The following CPED1 variants were observed in gnomAD, a reference collection of about 807,000 sequenced individuals.
CPED1 encodes the protein cadherin like and PC-esterase domain containing 1.
A neutral mutation model predicts 128.2 loss-of-function variants in CPED1; 114 were observed. That is an observed-to-expected ratio of 0.89 (90% confidence interval 0.76 to 1.04). The LOEUF (loss-of-function observed/expected upper bound fraction) is 1.04. CPED1 is among the 50% of genes least tolerant of loss of function. CPED1 has a pLI of 0.00. For synonymous variants in CPED1, 462 were observed against 426.7 expected, an observed-to-expected ratio of 1.08 and a Z score of -1.02; for missense variants, 1,211 against 1,207.1, an observed-to-expected ratio of 1.00 and a Z score of -0.05.
intron 16 of CPED1, among the ~76,000 whole-genome samples, chr7:121,227,089 A>T (rs975790557): frequency 7.0e-4 from 107 of 152,102 alleles, no homozygotes; most frequent in African/African-American, 2.5e-3. Context: ...GTAGAGACTC[A>T]AAAACATTAG....
intron 2 of CPED1, among the ~76,000 whole-genome samples, chr7:120,992,202 C>T (rs1796319785): frequency 6.6e-6 from 1 of 151,998 alleles, no homozygotes; most frequent in South Asian, 2.1e-4. Flanking sequence ...TATAGGTTTC[C>T]TGAAAACCTA....
At chr7:121,126,681 A>G (rs1178923281) in intron 9 of CPED1, among the ~76,000 whole-genome samples, 1 of 152,138 alleles carries the variant, frequency 6.6e-6, no homozygotes, top group Non-Finnish European at 1.5e-5. Flanking sequence ...ATTTCTCCAT[A>G]AAAATTTAAA....
chr7:121,153,319 A>G (rs1462665221), intron 16 of CPED1, among the ~76,000 whole-genome samples: 1 of 152,338 alleles, frequency 6.6e-6, no homozygotes, highest in East Asian at 1.9e-4. Context: ...CATGATTTCA[A>G]CCAAAACTGC....
chr7:121,174,023 T>G (rs1311334030), intron 16 of CPED1, among the ~76,000 whole-genome samples: 1 of 152,116 alleles, frequency 6.6e-6, no homozygotes, highest in African/African-American at 2.4e-5. Flanking sequence ...TGGCTTGTCT[T>G]CTTTTGAAAA....
intron 16 of CPED1, 103 bp downstream of exon 16, chr7:121,142,244 A>C: frequency 9.5e-7 from 1 of 1,052,120 alleles, no homozygotes; most frequent in East Asian, 2.4e-5. Flanking sequence ...GTATGCCTTG[A>C]AATCGAAACT....
chr7:121,043,961 T>C (rs1330105827), intron 3 of CPED1, among the ~76,000 whole-genome samples: 3 of 152,166 alleles, frequency 2.0e-5, no homozygotes, highest in African/African-American at 7.2e-5. Context: ...TGCTCATGCT[T>C]TCAGCTGTGA....
chr7:121,060,438 C>G (rs1237781494), intron 4 of CPED1, among the ~76,000 whole-genome samples: 1 of 152,230 alleles, frequency 6.6e-6, no homozygotes, highest in Non-Finnish European at 1.5e-5. Flanking sequence ...TCATGTCTAG[C>G]TCAGGGATTG....
chr7:121,271,122 A>T (rs571122779), intron 21 of CPED1, among the ~76,000 whole-genome samples, 162 bp from the exon 22 acceptor site: 1 of 152,102 alleles, frequency 6.6e-6, no homozygotes, highest in African/African-American at 2.4e-5. Context: ...GAGTAAAAAA[A>T]ATTAGAACAC....
chr7:121,162,405 A>G (rs1796430258), intron 16 of CPED1, among the ~76,000 whole-genome samples: 1 of 152,228 alleles, frequency 6.6e-6, no homozygotes, highest in Non-Finnish European at 1.5e-5. Context: ...AAACAAGTAA[A>G]TAAAATTCTG....
intron 3 of CPED1, among the ~76,000 whole-genome samples, chr7:121,032,820 A>G (rs1792771778): frequency 6.6e-6 from 1 of 152,182 alleles, no homozygotes; most frequent in African/African-American, 2.4e-5. Context: ...TCTTCATCTC[A>G]TAGATGACAG....
chr7:121,125,713 A>G lies in CPED1; in HGVS notation c.1062-107A>G, dbSNP rs1584530318. On this transcript the variant is annotated intron_variant, in intron 8 of 22. Transcript: ENST00000310396. ...CATTTTCTTTATCCAGTCTATCATT[A>G]ATGGGCATTTGGGTTGGTTCCAAGT... 1.1e-5 allele frequency: 8 copies of G among 729,416 alleles called. No individual in the cohort carries two copies. The South Asian group carries it at 1.3e-4, about 11-fold the overall frequency. 45.2% of individuals were successfully genotyped at this position (729,416 alleles called of 1,614,324 possible).
chr7:121,231,500 A>G (rs1305489945), intron 16 of CPED1, among the ~76,000 whole-genome samples: 1 of 152,102 alleles, frequency 6.6e-6, no homozygotes, highest in Admixed American at 6.6e-5. Context: ...TCCAACTAGG[A>G]TAATAGAACC....
At chr7:121,007,978 T>TTTTCTTTTC (rs991664698) in intron 2 of CPED1, among the ~76,000 whole-genome samples, 4 of 151,868 alleles carry the variant, frequency 2.6e-5, no homozygotes, top group East Asian at 1.9e-4. Context: ...TTTTCTTTTC[T>TTTTCTTTTC]TTTCTTTCTT....
At chr7:121,020,034 G>A (rs1416465256) in intron 3 of CPED1, among the ~76,000 whole-genome samples, 1 of 151,944 alleles carries the variant, frequency 6.6e-6, no homozygotes, top group Non-Finnish European at 1.5e-5. Flanking sequence ...ATGTATACTT[G>A]AAGAGTAGTG....
At chr7:121,241,609 T>C (rs188265317) in intron 17 of CPED1, among the ~76,000 whole-genome samples, 1 of 152,180 alleles carries the variant, frequency 6.6e-6, no homozygotes, top group Non-Finnish European at 1.5e-5. Flanking sequence ...GTCAGGCCCA[T>C]CTCTTCACTG....
chr7:121,105,114 A>G (rs953593576), intron 7 of CPED1, among the ~76,000 whole-genome samples: 4 of 152,082 alleles, frequency 2.6e-5, no homozygotes, highest in East Asian at 3.9e-4. Flanking sequence ...TCTCACATCA[A>G]TACAATCAGC....
chr7:121,015,995 T>C, intron 3 of CPED1, 147 bp downstream of exon 3: 1 of 497,094 alleles, frequency 2.0e-6, no homozygotes, highest in Non-Finnish European at 3.3e-6. Context: ...AAAACTTATC[T>C]CTTTTTTTTA....
intron 16 of CPED1, among the ~76,000 whole-genome samples, chr7:121,181,354 G>A (rs1269929605): frequency 6.6e-6 from 1 of 152,072 alleles, no homozygotes; most frequent in Non-Finnish European, 1.5e-5. Context: ...GAAGTTTCCA[G>A]TAGCTAAAAT....
At chr7:120,993,006 T>A (rs987882899) in intron 2 of CPED1, among the ~76,000 whole-genome samples, 1 of 152,200 alleles carries the variant, frequency 6.6e-6, no homozygotes, top group African/African-American at 2.4e-5. Flanking sequence ...TTGCCAAACT[T>A]TAATTCATTT....
Sources: gnomAD v4.1 joint callset for allele counts (sites outside exome capture counted in the v4.1 genomes callset) on GRCh38, gnomAD v4.1.1 for gene constraint, MANE v1.5 for transcripts, NCBI Gene and HGNC (gene_info 2026-07-23, HGNC 2026-07-21) for gene names.